The following AGBL4 variants were observed in gnomAD, a reference collection of about 807,000 sequenced individuals.
AGBL4 encodes AGBL carboxypeptidase 4.
In AGBL4, 58 loss-of-function variants were observed where a neutral mutation model predicts 66.4. The ratio of observed to expected loss-of-function variants is 0.87; its 90% CI spans 0.71 to 1.09. AGBL4 has a LOEUF of 1.09. Ranked by LOEUF, AGBL4 falls within the 50% of genes least tolerant of loss-of-function variation. The pLI, the probability that AGBL4 is intolerant of heterozygous loss-of-function variation, is 0.00. For missense variants in AGBL4, 579 were observed against 631.0 expected (o/e 0.92, Z 0.88); for synonymous variants, 234 against 222.9 (o/e 1.05, Z -0.44).
intron 1 of AGBL4, among the ~76,000 whole-genome samples, chr1:49,939,824 T>G (rs1326933691): frequency 6.6e-6 from 1 of 152,060 alleles, no homozygotes; most frequent in Non-Finnish European, 1.5e-5. Flanking sequence ...CCAAAAGCAA[T>G]GGCAACAAAA....
At chr1:49,161,616 A>C (rs1026099163) in intron 4 of AGBL4, among the ~76,000 whole-genome samples, 3 of 152,120 alleles carry the variant, frequency 2.0e-5, no homozygotes, top group South Asian at 2.1e-4. Context: ...TTTTTATTCT[A>C]GTTTCACATC....
chr1:49,194,377 C>G (rs553025402), intron 4 of AGBL4, among the ~76,000 whole-genome samples: 1 of 152,076 alleles, frequency 6.6e-6, no homozygotes, highest in South Asian at 2.1e-4. Flanking sequence ...ATATGTTTTT[C>G]ACCCCTATAC....
intron 6 of AGBL4, among the ~76,000 whole-genome samples, chr1:48,742,225 T>C (rs1321805036): frequency 1.3e-5 from 2 of 152,192 alleles, no homozygotes; most frequent in Admixed American, 1.3e-4. Context: ...AACTGAGTTG[T>C]TATCTGTAAA....
In AGBL4 at chr1:48,583,141, G is replaced by A. The variant is rs148050062; in HGVS notation, c.1267+3863C>T. On this transcript the variant is annotated intron_variant, in intron 11 of 13. Coordinates refer to ENST00000371839, the MANE Select transcript of AGBL4 (RefSeq NM_032785.4). ...CTGTGTGAATCAGTCACTGTTCTGC[G>A]GTCAAGGCAAGACCCTCAACTGTGA... Among the ~76,000 whole-genome samples, 294 of 152,252 alleles carry A rather than the reference G, an allele frequency of 1.9e-3. 2 individuals are homozygous for A. The highest frequency in any genetic ancestry group is 6.7e-3 in the African/African-American group (278 of 41,552).
At chr1:49,085,424 C>G (rs1644888669) in intron 4 of AGBL4, among the ~76,000 whole-genome samples, 1 of 151,990 alleles carries the variant, frequency 6.6e-6, no homozygotes, top group Non-Finnish European at 1.5e-5. Context: ...TCTTGGTTCT[C>G]TAGCTTGCAG....
intron 3 of AGBL4, among the ~76,000 whole-genome samples, chr1:49,408,655 T>C (rs1212880289): frequency 2.6e-5 from 4 of 152,220 alleles, no homozygotes; most frequent in African/African-American, 7.2e-5. Flanking sequence ...CCATGCTGGA[T>C]GCTTCTTGCC....
At chr1:50,003,666 A>C (rs1256080048) in intron 1 of AGBL4, among the ~76,000 whole-genome samples, 1 of 152,212 alleles carries the variant, frequency 6.6e-6, no homozygotes, top group Non-Finnish European at 1.5e-5. Flanking sequence ...AAAAAGAGAA[A>C]GAGAGAACAA....
chr1:48,734,846 C>T (rs952944383), intron 6 of AGBL4, among the ~76,000 whole-genome samples: 2 of 152,166 alleles, frequency 1.3e-5, no homozygotes, highest in African/African-American at 2.4e-5. Flanking sequence ...TTGTTGTCTG[C>T]CCCCAGAGTC....
chr1:49,427,730 C>G (rs949182670), intron 3 of AGBL4, among the ~76,000 whole-genome samples: 1 of 152,178 alleles, frequency 6.6e-6, no homozygotes, highest in Admixed American at 6.5e-5. Context: ...TTGTGAAGAA[C>G]AAAAGAAGAA....
At chr1:48,930,805 C>CATTCAT (rs1557472899) in intron 5 of AGBL4, among the ~76,000 whole-genome samples, 72 of 151,512 alleles carry the variant, frequency 4.8e-4, no homozygotes, top group African/African-American at 1.7e-3. Context: ...GGTTCATTCA[C>CATTCAT]TCATTCATTC....
intron 6 of AGBL4, among the ~76,000 whole-genome samples, chr1:48,729,840 T>A (rs1033125752): frequency 6.6e-6 from 1 of 152,088 alleles, no homozygotes; most frequent in African/African-American, 2.4e-5. Flanking sequence ...ACTTCCTGAC[T>A]ATTCCCAAGC....
At chr1:49,387,798 A>G (rs1644765822) in intron 3 of AGBL4, among the ~76,000 whole-genome samples, 1 of 152,020 alleles carries the variant, frequency 6.6e-6, no homozygotes, top group Non-Finnish European at 1.5e-5. Flanking sequence ...GCAACTCTTC[A>G]GATCGTTAAT....
chr1:49,666,014 T>A (rs1044240703), intron 3 of AGBL4, among the ~76,000 whole-genome samples: 13 of 151,478 alleles, frequency 8.6e-5, no homozygotes, highest in East Asian at 1.9e-4. Context: ...TTTTAAAAAA[T>A]TTTTTTTCTT....
At chr1:49,332,388 TC>T (rs1370598955) in intron 3 of AGBL4, among the ~76,000 whole-genome samples, 2 of 152,142 alleles carry the variant, frequency 1.3e-5, no homozygotes, top group Non-Finnish European at 2.9e-5. Flanking sequence ...CCAGATTATT[TC>T]ATAGGTGAGT....
At chr1:49,250,951 G>A (rs1024146484) in intron 3 of AGBL4, among the ~76,000 whole-genome samples, 28 of 152,154 alleles carry the variant, frequency 1.8e-4, no homozygotes, top group Admixed American at 1.3e-3. Context: ...GTGGAGCACC[G>A]CCAGGGACCA....
In AGBL4 at chr1:50,023,823, C is replaced by T. The variant is rs960562352; in HGVS notation, c.-27G>A. ...TTTGTTGTCCCTCAGTCTCCGAGCTCACGCGAAGACCGCGGGGCAGTAGGG... is the reference window on the plus strand; with the variant it reads ...TTTGTTGTCCCTCAGTCTCCGAGCTTACGCGAAGACCGCGGGGCAGTAGGG... On this transcript the variant is annotated 5_prime_UTR_variant, in exon 1 of 14. Transcript: ENST00000371839. 2.6e-6 allele frequency: 4 copies of T among 1,546,902 alleles called. No homozygotes were observed. The African/African-American group carries it at 5.5e-5, about 21-fold the overall frequency.
intron 3 of AGBL4, among the ~76,000 whole-genome samples, chr1:49,506,928 C>G (rs1648742174): frequency 6.6e-6 from 1 of 151,924 alleles, no homozygotes; most frequent in African/African-American, 2.4e-5. Flanking sequence ...TCCCAATGAA[C>G]CATACCTCCC....
intron 3 of AGBL4, among the ~76,000 whole-genome samples, chr1:49,390,682 C>A (rs1478505500): frequency 6.6e-6 from 1 of 152,194 alleles, no homozygotes; most frequent in East Asian, 1.9e-4. Context: ...AGTCTATATT[C>A]TTTCTACCAT....
intron 1 of AGBL4, among the ~76,000 whole-genome samples, chr1:49,966,606 GA>G (rs978071502): frequency 6.6e-6 from 1 of 151,976 alleles, no homozygotes; most frequent in African/African-American, 2.4e-5. Context: ...GAAACAGTGT[GA>G]AAATCTCTTA....
Sources: gnomAD v4.1 joint callset for allele counts (sites outside exome capture counted in the v4.1 genomes callset) on GRCh38, gnomAD v4.1.1 for gene constraint, MANE v1.5 for transcripts, NCBI Gene and HGNC (gene_info 2026-07-23, HGNC 2026-07-21) for gene names.